RBFOX1: variants seen among roughly 807,000 people sequenced by gnomAD.
The protein encoded by RBFOX1 is RNA binding fox-1 homolog 1, also known as RNA binding protein fox-1 homolog 1.
A neutral mutation model predicts 57.7 loss-of-function variants in RBFOX1; 8 were observed. That is an observed-to-expected ratio of 0.14 (90% CI 0.08 to 0.25). RBFOX1 has a LOEUF of 0.25. RBFOX1 is among the 10% of genes least tolerant of loss of function. The probability of loss-of-function intolerance (pLI) is 1.00; values close to 1 mark genes in which losing one functional copy is unlikely to be tolerated. For missense variants in RBFOX1, 611 were observed against 548.5 expected, an observed-to-expected ratio of 1.11 and a Z score of -1.14; for synonymous variants, 326 against 222.4, an observed-to-expected ratio of 1.47 and a Z score of -4.15.
chr16:5,557,733 C>T (rs919656834), intron 2 of RBFOX1, among the ~76,000 whole-genome samples: 1 of 152,114 alleles, frequency 6.6e-6, no homozygotes, highest in African/African-American at 2.4e-5. Flanking sequence ...AGGGTGGTAC[C>T]CAGGTGGGGC....
chr16:7,098,123 GT>G (rs1773165899), intron 4 of RBFOX1, among the ~76,000 whole-genome samples: 1 of 152,160 alleles, frequency 6.6e-6, no homozygotes, highest in Non-Finnish European at 1.5e-5. Context: ...AACACAATTA[GT>G]TAATGGAAGA....
At chr16:7,374,376 T>A (rs968405954) in intron 4 of RBFOX1, among the ~76,000 whole-genome samples, 3 of 152,208 alleles carry the variant, frequency 2.0e-5, no homozygotes, top group African/African-American at 7.2e-5. Flanking sequence ...CCTACAGCAT[T>A]CCCCTCAAAT....
rs548638207 is a variant in RBFOX1 at position 5,444,909 on chromosome 16, C to T, written c.220-22307C>T. The stretch of plus-strand genomic sequence containing the variant: ...GCTGTTACTAGCCCTATTTTGCAGC[C>T]AATGAAAGTGAGCTTTCCCAAGGTC... On this transcript the variant is annotated intron_variant, in intron 1 of 2. Transcript: ENST00000585867. Among the ~76,000 whole-genome samples, 4 of 152,248 alleles carry T rather than the reference C, an allele frequency of 2.6e-5. No individual in the cohort carries two copies. In the South Asian group the frequency reaches 8.3e-4, roughly 32 times the overall value.
intron 1 of RBFOX1, among the ~76,000 whole-genome samples, chr16:6,264,732 C>A (rs1157982163): frequency 2.6e-5 from 4 of 152,220 alleles, no homozygotes; most frequent in African/African-American, 9.6e-5. Context: ...AAGTGCCAGG[C>A]AGGTGCTCAG....
At chr16:5,585,745 C>G (rs1256841723) in intron 2 of RBFOX1, among the ~76,000 whole-genome samples, 2 of 152,162 alleles carry the variant, frequency 1.3e-5, no homozygotes, top group Non-Finnish European at 2.9e-5. Flanking sequence ...GGTTTACCAT[C>G]TAACTGTATG....
intron 2 of RBFOX1, among the ~76,000 whole-genome samples, chr16:6,466,247 T>G (rs941069015): frequency 6.6e-6 from 1 of 151,516 alleles, no homozygotes; most frequent in Non-Finnish European, 1.5e-5. Flanking sequence ...AAAAAAAGGA[T>G]TAAGGATTAA....
intron 1 of RBFOX1, among the ~76,000 whole-genome samples, chr16:5,368,688 C>G (rs2065786032): frequency 6.6e-6 from 1 of 152,126 alleles, no homozygotes; most frequent in East Asian, 1.9e-4. Flanking sequence ...AAATTCTGGC[C>G]TTTCAGGGGG....
At chr16:6,241,077 A>C (rs958133332) in intron 1 of RBFOX1, among the ~76,000 whole-genome samples, 2 of 152,242 alleles carry the variant, frequency 1.3e-5, no homozygotes, top group African/African-American at 4.8e-5. Flanking sequence ...TAACTACTCA[A>C]CTTATCCCTC....
chr16:6,211,614 T>A (rs2097298567), intron 1 of RBFOX1, among the ~76,000 whole-genome samples: 1 of 152,154 alleles, frequency 6.6e-6, no homozygotes, highest in Non-Finnish European at 1.5e-5. Context: ...GCTTCAGCAA[T>A]ATGTCAGGTC....
chr16:5,725,195 C>T lies in RBFOX1; in HGVS notation c.318+126234C>T, dbSNP rs149234337. On this transcript the variant is annotated intron_variant, in intron 3 of 19. Coordinates refer to the RBFOX1 transcript ENST00000641259. ...TGGTTAATGAGCATGCCAAAACAATCCCTTGTGCTGTGTGCCCTCTAGTCT... is the reference window on the plus strand; with the variant it reads ...TGGTTAATGAGCATGCCAAAACAATTCCTTGTGCTGTGTGCCCTCTAGTCT... 1.2e-4 allele frequency among the ~76,000 whole-genome samples: 19 copies of T among 152,196 alleles called. No homozygotes were observed. The East Asian group carries it at 3.5e-3, about 28-fold the overall frequency.
At chr16:6,784,922 C>T (rs1387489971) in intron 3 of RBFOX1, among the ~76,000 whole-genome samples, 1 of 152,016 alleles carries the variant, frequency 6.6e-6, no homozygotes, top group Non-Finnish European at 1.5e-5. Flanking sequence ...TTCTAAGTTG[C>T]TTGAAAAATA....
chr16:7,494,749 G>A (rs2068028573), intron 4 of RBFOX1, among the ~76,000 whole-genome samples: 1 of 151,570 alleles, frequency 6.6e-6, no homozygotes, highest in Non-Finnish European at 1.5e-5. Flanking sequence ...GAGTCTGGAA[G>A]TGGCTTTCAT....
intron 1 of RBFOX1, among the ~76,000 whole-genome samples, chr16:5,346,650 G>A (rs1269669894): frequency 6.6e-6 from 1 of 152,214 alleles, no homozygotes; most frequent in African/African-American, 2.4e-5. Flanking sequence ...GTGCAATACA[G>A]GAGAGTGGAG....
intron 4 of RBFOX1, among the ~76,000 whole-genome samples, chr16:7,241,904 T>C (rs1048603056): frequency 6.6e-5 from 10 of 152,164 alleles, no homozygotes; most frequent in Non-Finnish European, 2.9e-5. Context: ...TGTGTATACA[T>C]AATTACATGA....
intron 4 of RBFOX1, among the ~76,000 whole-genome samples, chr16:7,430,983 C>G (rs2098673778): frequency 6.6e-6 from 1 of 152,136 alleles, no homozygotes; most frequent in South Asian, 2.1e-4. Flanking sequence ...GTACTTGAAT[C>G]TATGTTGTAT....
In RBFOX1 at chr16:6,544,478, G is replaced by T. The variant is rs771007830; in HGVS notation, c.-63-110125G>T. On this transcript the variant is annotated intron_variant, in intron 2 of 15. Transcript: ENST00000550418. Reference sequence around the variant, plus strand: ...GGGAGGCACTGTAATTTCCTGTTTTGTAGGATCTCATAGGAAATTTTTCAT... The same window carrying T: ...GGGAGGCACTGTAATTTCCTGTTTTTTAGGATCTCATAGGAAATTTTTCAT... Among the ~76,000 whole-genome samples, 26 of 152,126 alleles carry T rather than the reference G, an allele frequency of 1.7e-4. 1 individual carries two copies. The highest frequency in any genetic ancestry group is 1.6e-3 in the Admixed American group (25 of 15,270).
At chr16:5,919,518 A>G (rs1040673664) in intron 4 of RBFOX1, among the ~76,000 whole-genome samples, 2 of 151,736 alleles carry the variant, frequency 1.3e-5, no homozygotes, top group Non-Finnish European at 2.9e-5. Flanking sequence ...AATTTTTTGT[A>G]TTTTTAGTAG....
chr16:7,619,107 T>C (rs976069890), intron 10 of RBFOX1, among the ~76,000 whole-genome samples: 4 of 152,232 alleles, frequency 2.6e-5, no homozygotes, highest in Non-Finnish European at 5.9e-5. Context: ...AATTAGTTAA[T>C]GGGTTATACA....
intron 3 of RBFOX1, among the ~76,000 whole-genome samples, chr16:6,876,056 C>T (rs78878691): frequency 4.6e-5 from 7 of 151,686 alleles, no homozygotes; most frequent in African/African-American, 1.2e-4. Flanking sequence ...GTCTATAGTC[C>T]TAGCATCTCG....
Sources: gnomAD v4.1 joint callset for allele counts (sites outside exome capture counted in the v4.1 genomes callset) on GRCh38, gnomAD v4.1.1 for gene constraint, MANE v1.5 for transcripts, NCBI Gene and HGNC (gene_info 2026-07-23, HGNC 2026-07-21) for gene names.